The following L2HGDH variants were observed in gnomAD, a reference collection of about 807,000 sequenced individuals.
L2HGDH encodes L-2-hydroxyglutarate dehydrogenase, mitochondrial.
Under a neutral mutation model 51.5 loss-of-function variants are expected in L2HGDH, and 34 were observed. That is an observed-to-expected ratio of 0.66 (90% CI 0.50 to 0.88). The LOEUF is 0.88. Ranked by LOEUF, L2HGDH falls within the 40% of genes least tolerant of loss-of-function variation. The probability of loss-of-function intolerance (pLI) is 0.00; values close to 1 mark genes in which losing one functional copy is unlikely to be tolerated. For synonymous variants in L2HGDH, 198 were observed against 197.9 expected (o/e 1.00, Z -0.01); for missense variants, 558 against 571.9 (o/e 0.98, Z 0.25).
At chr14:50,262,422 C>T (rs1289602411) in intron 9 of L2HGDH, among the ~76,000 whole-genome samples, 1 of 113,774 alleles carries the variant, frequency 8.8e-6, no homozygotes, top group Non-Finnish European at 1.9e-5. Context: ...GACCGAGACT[C>T]TGTCTCAAAA....
chr14:50,245,059 C>A lies in L2HGDH; in HGVS notation c.*1999G>T. ...CATATATACAGGATATACCACAGCA[C>A]TGGGCATCAACTTAAAATACTCATG... is the stretch of plus-strand genomic sequence containing the variant. On this transcript the variant is annotated 3_prime_UTR_variant, in exon 10 of 10. Transcript: ENST00000267436. 1.0e-6 allele frequency: 1 copy of A among 985,816 alleles called. No homozygotes were observed. The highest frequency in any genetic ancestry group is 1.2e-6 in the Non-Finnish European group (1 of 829,930). 61.1% of individuals were successfully genotyped at this position (985,816 alleles called of 1,614,324 possible). A position where few individuals can be genotyped will look rare whatever the true frequency, so the allele number is the denominator to read the frequency against.
At chr14:50,248,297 A>G (rs2139925715) in intron 9 of L2HGDH, among the ~76,000 whole-genome samples, 1 of 152,344 alleles carries the variant, frequency 6.6e-6, no homozygotes, top group Middle Eastern at 3.4e-3. Flanking sequence ...AAGGCTCAAG[A>G]AATCAGGAAA....
At chr14:50,269,774 A>G (rs1468188486) in intron 6 of L2HGDH, among the ~76,000 whole-genome samples, 1 of 152,204 alleles carries the variant, frequency 6.6e-6, no homozygotes, top group Admixed American at 6.5e-5. Flanking sequence ...TTAATTAAAA[A>G]TTCAATATAC....
Position 50,245,247 on chromosome 14 carries a change from G to A in L2HGDH, c.*1811C>T, listed in dbSNP as rs1008202554. Reference sequence around the variant, plus strand: ...TGGCCAACATTTTGAGAGCCTTAGTGTGACTAAAGATCAGAGATATAATAG... The same window carrying A: ...TGGCCAACATTTTGAGAGCCTTAGTATGACTAAAGATCAGAGATATAATAG... On this transcript the variant is annotated 3_prime_UTR_variant, in exon 10 of 10. Transcript: ENST00000267436. 16 of 985,070 alleles carry A rather than the reference G, an allele frequency of 1.6e-5. No homozygotes were observed. Among genetic ancestry groups the A allele is most frequent in the Non-Finnish European group, 1.9e-5 (16 of 829,582 alleles). The allele number at this position is 985,070 out of a possible 1,614,324, so 61.0% of individuals were successfully genotyped here. A position where few individuals can be genotyped will look rare whatever the true frequency, so the allele number is the denominator to read the frequency against.
chr14:50,268,239 C>T (rs148656301), intron 7 of L2HGDH, among the ~76,000 whole-genome samples: 5,695 of 151,824 alleles, frequency 0.038, 345 homozygotes, highest in African/African-American at 0.13. Flanking sequence ...ATTAGCCTGG[C>T]GTGGTGGTGT....
Position 50,269,329 on chromosome 14 carries a change from C to T in L2HGDH, c.740G>A (p.Gly247Glu). ...QYPIVIKNTK[G>E]EEIRCQYVVT... ...AACATACTGACATCGAATTTCCTCT[C>T]CCTAGTGCAAAATAAAAGAACAGTT... is the stretch of plus-strand genomic sequence containing the variant. The change falls in exon 7 of 10, where the codon GGA becomes GAA. Residue 247 changes from glycine (G) to glutamate (E), a missense_variant and splice_region_variant. Gly to Glu is a moderately conservative substitution (Grantham distance 98). Coordinates refer to ENST00000267436, the MANE Select transcript of L2HGDH (RefSeq NM_024884.3). The T allele has an allele frequency of 1.2e-6, 2 of 1,613,816 alleles. No homozygotes were observed. The highest frequency in any genetic ancestry group is 1.7e-6 in the Non-Finnish European group (2 of 1,179,866).
At chr14:50,290,347 C>T (rs1033007390) in intron 4 of L2HGDH, among the ~76,000 whole-genome samples, 4 of 152,152 alleles carry the variant, frequency 2.6e-5, no homozygotes, top group African/African-American at 9.7e-5. Context: ...TCAAAAATAA[C>T]AATAAGTGGC....
chr14:50,271,178 AAT>A (rs1262760109), intron 6 of L2HGDH, among the ~76,000 whole-genome samples: 1 of 152,236 alleles, frequency 6.6e-6, no homozygotes, highest in Non-Finnish European at 1.5e-5. Flanking sequence ...TAAATAGGTT[AAT>A]ATCTTTCCTG....
intron 9 of L2HGDH, among the ~76,000 whole-genome samples, chr14:50,255,967 C>T (rs1358092148): frequency 7.9e-5 from 12 of 151,544 alleles, no homozygotes; most frequent in Non-Finnish European, 1.6e-4. Flanking sequence ...CGCACCACTG[C>T]ACTCCAGGCT....
intron 9 of L2HGDH, 30 bp downstream of exon 9, chr14:50,265,328 G>A (rs199809061): frequency 6.3e-6 from 10 of 1,594,372 alleles, no homozygotes; most frequent in South Asian, 3.3e-5. Context: ...GGTCAGGACT[G>A]TATTTACACT....
intron 7 of L2HGDH, 131 bp from the exon 8 acceptor site, chr14:50,268,041 A>G: frequency 1.1e-6 from 1 of 896,666 alleles, no homozygotes; most frequent in Non-Finnish European, 1.8e-6. Context: ...GTACTCAGAT[A>G]TACTTTTCCA....
chr14:50,257,373 A>AT (rs34937042), intron 9 of L2HGDH, among the ~76,000 whole-genome samples: 46,805 of 145,032 alleles, frequency 0.32, 7,543 homozygotes, highest in Admixed American at 0.43. Context: ...TTTTCCTTTA[A>AT]TTTTTTTTTT....
intron 9 of L2HGDH, among the ~76,000 whole-genome samples, chr14:50,255,289 C>A (rs1312030602): frequency 6.6e-6 from 1 of 151,856 alleles, no homozygotes; most frequent in Non-Finnish European, 1.5e-5. Context: ...AATCCCAGAA[C>A]TTCGAGAGGC....
chr14:50,267,138 TTTTTA>T (rs1889382546), intron 8 of L2HGDH, among the ~76,000 whole-genome samples: 1 of 147,930 alleles, frequency 6.8e-6, no homozygotes, highest in African/African-American at 2.5e-5. Context: ...CCTTATCTTC[TTTTTA>T]TTTTTATTTA....
At chr14:50,262,430 A>G (rs1294941300) in intron 9 of L2HGDH, among the ~76,000 whole-genome samples, 3 of 25,200 alleles carry the variant, frequency 1.2e-4, no homozygotes, top group Non-Finnish European at 4.4e-4. Context: ...CTCTGTCTCA[A>G]AAAAAAAAAA....
intron 5 of L2HGDH, among the ~76,000 whole-genome samples, chr14:50,279,954 G>C (rs1011262982): frequency 2.0e-5 from 3 of 151,720 alleles, no homozygotes; most frequent in African/African-American, 7.3e-5. Flanking sequence ...CAGCTACTCA[G>C]GAGGCTGAGG....
intron 4 of L2HGDH, among the ~76,000 whole-genome samples, chr14:50,290,272 AAAAAAC>A (rs1435998458): frequency 6.6e-6 from 1 of 152,140 alleles, no homozygotes; most frequent in Non-Finnish European, 1.5e-5. Context: ...GTCTCATAAA[AAAAAAC>A]AAAAACAAAC....
At chr14:50,281,648 C>T (rs1302482832) in intron 5 of L2HGDH, among the ~76,000 whole-genome samples, 3 of 151,898 alleles carry the variant, frequency 2.0e-5, no homozygotes, top group Non-Finnish European at 4.4e-5. Context: ...TTATAAAATT[C>T]TGGTTTTATA....
chr14:50,245,065 A>G lies in L2HGDH; in HGVS notation c.*1993T>C. 1 of 985,866 alleles carries G rather than the reference A, an allele frequency of 1.0e-6. No homozygotes were observed. 61.1% of individuals were successfully genotyped at this position (985,866 alleles called of 1,614,324 possible). On this transcript the variant is annotated 3_prime_UTR_variant, in exon 10 of 10. Coordinates refer to ENST00000267436, the MANE Select transcript of L2HGDH (RefSeq NM_024884.3). ...TACAGGATATACCACAGCACTGGGC[A>G]TCAACTTAAAATACTCATGAGGTGA...
Sources: gnomAD v4.1 joint callset for allele counts (sites outside exome capture counted in the v4.1 genomes callset) on GRCh38, gnomAD v4.1.1 for gene constraint, MANE v1.5 for transcripts, NCBI Gene and HGNC (gene_info 2026-07-23, HGNC 2026-07-21) for gene names.